MLLT10: variants seen among roughly 807,000 people sequenced by gnomAD.
MLLT10 encodes the protein protein AF-10.
A neutral mutation model predicts 129.1 loss-of-function variants in MLLT10; 30 were observed. That is an observed-to-expected ratio of 0.23 (90% CI 0.17 to 0.32). The LOEUF (loss-of-function observed/expected upper bound fraction) is 0.32. MLLT10 is among the 10% of genes least tolerant of loss of function. MLLT10 has a pLI of 1.00. For synonymous variants in MLLT10, 490 were observed against 446.4 expected (o/e 1.10, Z -1.23); for missense variants, 1,119 against 1,268.3 (o/e 0.88, Z 1.79).
At chr10:21,674,050 C>T (rs2051793791) in intron 11 of MLLT10, 131 bp downstream of exon 11, 2 of 730,162 alleles carry the variant, frequency 2.7e-6, no homozygotes, top group Non-Finnish European at 4.0e-6. Context: ...AGTGAAATTT[C>T]TCAGTTTTTA....
intron 5 of MLLT10, among the ~76,000 whole-genome samples, chr10:21,604,205 C>CT (rs2043839109): frequency 6.6e-6 from 1 of 152,188 alleles, no homozygotes; most frequent in Admixed American, 6.5e-5. Flanking sequence ...AGTCTCACAT[C>CT]TTACCTGAAT....
At chr10:21,732,831 C>A in intron 17 of MLLT10, 68 bp from the exon 18 acceptor site, 1 of 1,243,496 alleles carries the variant, frequency 8.0e-7, no homozygotes, top group Non-Finnish European at 1.1e-6. Flanking sequence ...AGGTTACCGG[C>A]ACTGCGTAAA....
At position 21,583,931 on chromosome 10, in the gene MLLT10, G is replaced by A. The variant is rs529189829; in HGVS notation, c.241-2363G>A. ...GTCACCCAGGCTGGAGTGCAGTGAC[G>A]CGATCTCGGCTCACTGCAAGCTCCG... On this transcript the variant is annotated intron_variant, in intron 3 of 22. Transcript: ENST00000307729. Among the ~76,000 whole-genome samples, 21 of 150,430 alleles carry A rather than the reference G, an allele frequency of 1.4e-4. No homozygotes were observed. In the East Asian group the frequency reaches 3.9e-3, roughly 28 times the overall value.
chr10:21,620,541 G>A (rs1317612454), intron 8 of MLLT10, among the ~76,000 whole-genome samples: 1 of 152,184 alleles, frequency 6.6e-6, no homozygotes, highest in East Asian at 1.9e-4. Flanking sequence ...ATTGTAAGGT[G>A]AGGAGCATCT....
chr10:21,713,980 A>G (rs1341607157), intron 14 of MLLT10, 30 bp downstream of exon 14: 4 of 1,561,764 alleles, frequency 2.6e-6, no homozygotes, highest in South Asian at 2.4e-5. Flanking sequence ...TGTGACAGGT[A>G]ATAGGTGGGT....
rs552848552 is a variant in MLLT10, at chr10:21,675,354, C to T, written c.1621+1435C>T. 3.9e-5 allele frequency among the ~76,000 whole-genome samples: 6 copies of T among 152,300 alleles called. No homozygotes were observed. In the East Asian group the frequency reaches 1.2e-3, roughly 29 times the overall value. The stretch of plus-strand genomic sequence containing the variant: ...TATTTACCAGAATCCCCAGTCCCTG[C>T]CCCCTACAGGCCAAGAGCATCATCA... On this transcript the variant is annotated intron_variant, in intron 11 of 22. Transcript: ENST00000307729.
intron 8 of MLLT10, chr10:21,625,019 AT>A: frequency 1.0e-6 from 1 of 975,748 alleles, no homozygotes; most frequent in Non-Finnish European, 1.6e-6. Context: ...CATCATAGCC[AT>A]AGTAGGGAAT....
At chr10:21,644,503 T>C (rs2048304393) in intron 8 of MLLT10, among the ~76,000 whole-genome samples, 1 of 152,118 alleles carries the variant, frequency 6.6e-6, no homozygotes, top group Admixed American at 6.6e-5. Flanking sequence ...GTATGCACTT[T>C]TTGGTAGAAC....
Position 21,625,579 on chromosome 10 carries a change from C to G in MLLT10, c.699+8372C>G, listed in dbSNP as rs919092136. ...CCTCACATTTAAGGAAGCAGAACCC[C>G]CATTTCTTCTTTTTGTCATCAGGTT... is the stretch of plus-strand genomic sequence containing the variant. On this transcript the variant is annotated intron_variant, in intron 8 of 22. Coordinates refer to ENST00000307729, the MANE Select transcript of MLLT10 (RefSeq NM_001195626.3). 5 of 762,136 alleles carry G rather than the reference C, an allele frequency of 6.6e-6. No homozygotes were observed. The East Asian group carries it at 9.8e-5, about 15-fold the overall frequency. 47.2% of individuals were successfully genotyped at this position (762,136 alleles called of 1,614,324 possible).
At position 21,743,482 on chromosome 10, in the gene MLLT10, TTTAC is replaced by T. The variant is rs1485372080; in HGVS notation, c.*1503_*1506del. ...AATTTAAAAAATCAGTGTGGTTTAT[TTTAC>T]TTATTTAACCCACTGGTTGTTATTC... On this transcript the variant is annotated 3_prime_UTR_variant, in exon 23 of 23. Coordinates refer to ENST00000307729, the MANE Select transcript of MLLT10 (RefSeq NM_001195626.3). 1.0e-5 allele frequency: 2 copies of T among 190,542 alleles called. No individual in the cohort carries two copies. The highest frequency in any genetic ancestry group is 2.2e-5 in the Non-Finnish European group (2 of 90,856). The allele number at this position is 190,542 out of a possible 1,614,324, so 11.8% of individuals were successfully genotyped here. A position where few individuals can be genotyped will look rare whatever the true frequency, so the allele number is the denominator to read the frequency against.
Position 21,534,306 on chromosome 10 carries a change from G to GGCCCC in MLLT10, c.-215_-214insGCCCC. The stretch of plus-strand genomic sequence containing the variant: ...CCTCGCTGCCCCTGGCCCAGCGGGA[G>GGCCCC]CCCCCCCTCCCCCCAGTGCGCCTGT... On this transcript the variant is annotated 5_prime_UTR_variant, in exon 1 of 23. Transcript: ENST00000307729. 1.5e-5 allele frequency: 5 copies of GGCCCC among 328,434 alleles called. No homozygotes were observed. Among genetic ancestry groups the GGCCCC allele is most frequent in the African/African-American group, 2.5e-5 (1 of 39,996 alleles). 20.3% of individuals were successfully genotyped at this position (328,434 alleles called of 1,614,324 possible). A position where few individuals can be genotyped will look rare whatever the true frequency, so the allele number is the denominator to read the frequency against.
intron 13 of MLLT10, among the ~76,000 whole-genome samples, chr10:21,697,768 T>C (rs960726084): frequency 1.3e-5 from 2 of 152,200 alleles, no homozygotes; most frequent in African/African-American, 4.8e-5. Context: ...TCTATGGAGA[T>C]ATATTCTACA....
intron 14 of MLLT10, 103 bp from the exon 15 acceptor site, chr10:21,726,141 T>C (rs1286205877): frequency 2.6e-6 from 2 of 773,340 alleles, no homozygotes; most frequent in Non-Finnish European, 4.0e-6. Context: ...ATTTTGCTTA[T>C]ATTCTTAGGT....
intron 14 of MLLT10, among the ~76,000 whole-genome samples, chr10:21,724,680 C>T (rs1217013628): frequency 3.9e-5 from 6 of 152,184 alleles, no homozygotes; most frequent in African/African-American, 1.4e-4. Context: ...CTGTGAGTAA[C>T]AGCATTTTGT....
At chr10:21,545,612 GA>G (rs1286068984) in intron 3 of MLLT10, among the ~76,000 whole-genome samples, 1 of 152,120 alleles carries the variant, frequency 6.6e-6, no homozygotes, top group Non-Finnish European at 1.5e-5. Flanking sequence ...TGATTGTTTA[GA>G]AAAAGCACCG....
Position 21,605,146 on chromosome 10 carries a change from G to T in MLLT10, c.406-7202G>T, listed in dbSNP as rs2043933974. Among the ~76,000 whole-genome samples the T allele has an allele frequency of 2.6e-5, 4 of 151,542 alleles. No individual in the cohort carries two copies. In the South Asian group the frequency reaches 8.3e-4, roughly 32 times the overall value. On this transcript the variant is annotated intron_variant, in intron 5 of 22. Coordinates refer to ENST00000307729, the MANE Select transcript of MLLT10 (RefSeq NM_001195626.3). ...TTATTTAACATCTTGGCTTAGCCTA[G>T]TCTACCTTAAACATGCTTAGAACAC...
intron 13 of MLLT10, among the ~76,000 whole-genome samples, chr10:21,684,155 C>T (rs1025493783): frequency 6.6e-6 from 1 of 152,084 alleles, no homozygotes; most frequent in African/African-American, 2.4e-5. Context: ...GGACTGCAGG[C>T]GTGCGCCACC....
intron 21 of MLLT10, among the ~76,000 whole-genome samples, chr10:21,736,165 G>A (rs1161363211): frequency 6.6e-6 from 1 of 152,166 alleles, no homozygotes; most frequent in Non-Finnish European, 1.5e-5. Context: ...GTCTGTGTGT[G>A]TTATAGGGTG....
intron 4 of MLLT10, among the ~76,000 whole-genome samples, chr10:21,593,620 A>G (rs1397902477): frequency 6.6e-6 from 1 of 151,856 alleles, no homozygotes; most frequent in Admixed American, 6.6e-5. Context: ...TTGTGCTGGA[A>G]ATTATATGTA....
Sources: allele counts gnomAD v4.1 joint callset (sites outside exome capture counted in the v4.1 genomes callset), GRCh38; gene constraint gnomAD v4.1.1; transcripts MANE v1.5; gene names NCBI Gene and HGNC (gene_info 2026-07-23, HGNC 2026-07-21).